The following MAPKAP1 variants were observed in gnomAD, a reference collection of about 807,000 sequenced individuals.
The protein encoded by MAPKAP1 is MAPK associated protein 1, also known as target of rapamycin complex 2 subunit MAPKAP1.
MAPKAP1 carries 20 observed loss-of-function variants against 65.7 expected under a neutral mutation model. The ratio of observed to expected loss-of-function variants is 0.30; its 90% CI spans 0.21 to 0.44. The LOEUF is 0.44. Among genes scored for constraint, MAPKAP1 ranks in the 20% least tolerant of loss-of-function variants. The probability of loss-of-function intolerance (pLI) is 1.00; values close to 1 mark genes in which losing one functional copy is unlikely to be tolerated. For missense variants in MAPKAP1, 423 were observed against 648.0 expected (o/e 0.65, Z 3.77); for synonymous variants, 222 against 244.3 (o/e 0.91, Z 0.85).
rs559571340 is a variant in MAPKAP1, at chr9:125,483,864, C to CATG, written c.1207+576_1207+578dup. ...ACAGCAGACACCTATAAAAGGCAGC[C>CATG]ATGATGATGATGATGATGATGATAA... On this transcript the variant is annotated intron_variant, in intron 9 of 11. Coordinates refer to ENST00000265960, the MANE Select transcript of MAPKAP1 (RefSeq NM_001006617.3). 2.9e-3 allele frequency among the ~76,000 whole-genome samples: 442 copies of CATG among 151,862 alleles called. 1 individual carries two copies. In the Middle Eastern group the frequency reaches 0.041, roughly 14 times the overall value.
chr9:125,593,061 C>G (rs1832018654), intron 4 of MAPKAP1, among the ~76,000 whole-genome samples: 1 of 151,696 alleles, frequency 6.6e-6, no homozygotes, highest in Non-Finnish European at 1.5e-5. Flanking sequence ...CTTTGGGAGG[C>G]CGAGGCGGGC....
chr9:125,664,930 A>C (rs1834297702), intron 3 of MAPKAP1, among the ~76,000 whole-genome samples: 1 of 152,042 alleles, frequency 6.6e-6, no homozygotes, highest in Admixed American at 6.6e-5. Flanking sequence ...GTAACTTGGG[A>C]AAGTTATTTG....
rs1005359049 is a variant in MAPKAP1, at chr9:125,657,811, G to A, written c.350-12C>T. 6.2e-7 allele frequency: 1 copy of A among 1,610,430 alleles called. No individual in the cohort carries two copies. The highest frequency in any genetic ancestry group is 1.1e-5 in the South Asian group (1 of 90,470). On this transcript the variant is annotated splice_polypyrimidine_tract_variant and intron_variant, in intron 3 of 11. Transcript: ENST00000265960. ...CTTTAACTCCTGGGCTGTGATACAA[G>A]AGGAAGAAAAACATCTTTGTGATTA...
intron 4 of MAPKAP1, among the ~76,000 whole-genome samples, chr9:125,657,026 G>A (rs961946081): frequency 5.3e-5 from 8 of 152,142 alleles, no homozygotes; most frequent in Non-Finnish European, 1.2e-4. Context: ...GTGAAATACT[G>A]AAATGCAAGC....
At chr9:125,593,671 GA>G (rs11336055) in intron 4 of MAPKAP1, among the ~76,000 whole-genome samples, 74,822 of 151,110 alleles carry the variant, frequency 0.5, 19,066 homozygotes, top group East Asian at 0.67. Context: ...AAAAGAAAAA[GA>G]AAAAAAAAGG....
intron 7 of MAPKAP1, among the ~76,000 whole-genome samples, chr9:125,542,401 G>T (rs1830279778): frequency 6.6e-6 from 1 of 152,138 alleles, no homozygotes; most frequent in African/African-American, 2.4e-5. Flanking sequence ...CGTCATATAT[G>T]AGTTGATTTA....
chr9:125,646,357 T>C (rs1039583370), intron 4 of MAPKAP1, among the ~76,000 whole-genome samples: 1 of 152,104 alleles, frequency 6.6e-6, no homozygotes, highest in African/African-American at 2.4e-5. Flanking sequence ...TACAATGCCA[T>C]CAGGAGGCCA....
intron 3 of MAPKAP1, among the ~76,000 whole-genome samples, chr9:125,658,459 G>A (rs1295665015): frequency 6.6e-6 from 1 of 152,214 alleles, no homozygotes; most frequent in East Asian, 1.9e-4. Flanking sequence ...AGCCTATGAG[G>A]TAGATACTAG....
At chr9:125,445,480 G>A (rs1213322628) in intron 10 of MAPKAP1, among the ~76,000 whole-genome samples, 1 of 152,238 alleles carries the variant, frequency 6.6e-6, no homozygotes, top group African/African-American at 2.4e-5. Flanking sequence ...GCCTTCTTGG[G>A]TGAGTCTTCA....
chr9:125,575,100 C>A (rs1358795476), intron 5 of MAPKAP1, among the ~76,000 whole-genome samples: 1 of 152,214 alleles, frequency 6.6e-6, no homozygotes, highest in East Asian at 1.9e-4. Flanking sequence ...GCCTATGATT[C>A]TAGTACTTTG....
chr9:125,511,496 G>A (rs1299159802), intron 7 of MAPKAP1, among the ~76,000 whole-genome samples: 2 of 152,166 alleles, frequency 1.3e-5, no homozygotes, highest in East Asian at 3.8e-4. Context: ...ATGAACCACA[G>A]CATCTCACTC....
intron 5 of MAPKAP1, 76 bp downstream of exon 5, chr9:125,585,479 C>T (rs1448269480): frequency 2.0e-6 from 3 of 1,515,384 alleles, no homozygotes; most frequent in Non-Finnish European, 2.7e-6. Context: ...CCTAGAAAGA[C>T]TAACCAGCCT....
At chr9:125,515,183 C>T (rs1829425193) in intron 7 of MAPKAP1, among the ~76,000 whole-genome samples, 1 of 152,098 alleles carries the variant, frequency 6.6e-6, no homozygotes, top group Admixed American at 6.6e-5. Context: ...TGTGAAACAG[C>T]TGAATATAAT....
intron 4 of MAPKAP1, among the ~76,000 whole-genome samples, chr9:125,616,501 T>C (rs919560940): frequency 6.6e-6 from 1 of 152,118 alleles, no homozygotes; most frequent in African/African-American, 2.4e-5. Context: ...AATTTCTTCT[T>C]CAAATCAGGA....
At chr9:125,500,967 G>C (rs1828960663) in intron 8 of MAPKAP1, among the ~76,000 whole-genome samples, 1 of 152,152 alleles carries the variant, frequency 6.6e-6, no homozygotes, top group African/African-American at 2.4e-5. Flanking sequence ...CGATAAGCAA[G>C]TCACATAGGA....
In MAPKAP1 at chr9:125,706,958, G is replaced by A; in HGVS notation, c.-70+13C>T. 2.5e-6 allele frequency: 1 copy of A among 394,062 alleles called. No individual in the cohort carries two copies. Among genetic ancestry groups the A allele is most frequent in the Admixed American group, 4.4e-5 (1 of 22,578 alleles). The allele number at this position is 394,062 out of a possible 1,614,324, so 24.4% of individuals were successfully genotyped here. A position where few individuals can be genotyped will look rare whatever the true frequency, so the allele number is the denominator to read the frequency against. ...CGGACGGGCGGGGAGCTGGCGGCTG[G>A]GGCAACCTTTACCTGAAGCTGCTTC... is the stretch of plus-strand genomic sequence containing the variant. On this transcript the variant is annotated intron_variant, in intron 1 of 11. Coordinates refer to ENST00000265960, the MANE Select transcript of MAPKAP1 (RefSeq NM_001006617.3).
chr9:125,690,977 A>G (rs2131847069), intron 1 of MAPKAP1, among the ~76,000 whole-genome samples: 1 of 152,320 alleles, frequency 6.6e-6, no homozygotes, highest in South Asian at 2.1e-4. Flanking sequence ...AAAAACTGGT[A>G]GAGGCCGGGC....
intron 7 of MAPKAP1, among the ~76,000 whole-genome samples, chr9:125,528,474 C>T (rs1829836426): frequency 6.6e-6 from 1 of 152,198 alleles, no homozygotes. Flanking sequence ...TGAAGTTATG[C>T]CTGAGCCTGG....
At position 125,438,871 on chromosome 9, in the gene MAPKAP1, A is replaced by C. The variant is rs1852379534; in HGVS notation, c.*16T>G. The C allele has an allele frequency of 6.2e-7, 1 of 1,613,970 alleles. No homozygotes were observed. Among genetic ancestry groups the C allele is most frequent in the Non-Finnish European group, 8.5e-7 (1 of 1,179,970 alleles). On this transcript the variant is annotated 3_prime_UTR_variant, in exon 12 of 12. Coordinates refer to ENST00000265960, the MANE Select transcript of MAPKAP1 (RefSeq NM_001006617.3). ...AGGCTCTGAGCTACGGAACAGATTG[A>C]GGCTGGAGGCCAGTGTCACTGCTGC...
Sources: allele counts gnomAD v4.1 joint callset (sites outside exome capture counted in the v4.1 genomes callset), GRCh38; gene constraint gnomAD v4.1.1; transcripts MANE v1.5; gene names NCBI Gene and HGNC (gene_info 2026-07-23, HGNC 2026-07-21).